SNX19: variants seen among roughly 807,000 people sequenced by gnomAD.
SNX19 encodes sorting nexin-19.
A neutral mutation model predicts 85.2 loss-of-function variants in SNX19; 60 were observed. The ratio of observed to expected loss-of-function variants is 0.70; its 90% CI spans 0.57 to 0.87. The LOEUF (loss-of-function observed/expected upper bound fraction) is 0.87, where lower values mean the gene tolerates loss of function less well. Among genes scored for constraint, SNX19 ranks in the 40% least tolerant of loss-of-function variants. SNX19 has a pLI of 0.00. For missense variants in SNX19, 1,201 were observed against 1,217.8 expected (o/e 0.99, Z 0.21); for synonymous variants, 520 against 470.0 (o/e 1.11, Z -1.38).
At chr11:130,906,846 G>A (rs1421995113) in intron 5 of SNX19, 125 bp from the exon 6 acceptor site, 13 of 717,142 alleles carry the variant, frequency 1.8e-5, no homozygotes, top group South Asian at 1.7e-4. Flanking sequence ...GGAGCTTACT[G>A]TGGTCAGAGC....
chr11:130,874,035 T>C lies in SNX19; in HGVS notation c.*4387A>G, dbSNP rs1201558385. On this transcript the variant is annotated 3_prime_UTR_variant, in exon 11 of 11. Coordinates refer to ENST00000265909, the MANE Select transcript of SNX19 (RefSeq NM_014758.3). ...TCATAAGAGGTTTTTTGTTTTTTTT[T>C]TTTTTATTTGGGGTCTCACTCTGTC... 6.6e-6 allele frequency among the ~76,000 whole-genome samples: 1 copy of C among 152,098 alleles called. No homozygotes were observed. The highest frequency in any genetic ancestry group is 1.5e-5 in the Non-Finnish European group (1 of 68,006).
rs938219156 is a variant in SNX19 at position 130,900,253 on chromosome 11, T to C, written c.2573+3002A>G. 5.9e-5 allele frequency among the ~76,000 whole-genome samples: 9 copies of C among 152,224 alleles called. 1 individual carries two copies. Among genetic ancestry groups the C allele is most frequent in the Admixed American group, 5.2e-4 (8 of 15,288 alleles). On this transcript the variant is annotated intron_variant, in intron 8 of 10. Coordinates refer to ENST00000265909, the MANE Select transcript of SNX19 (RefSeq NM_014758.3). ...GAGCCCAGGAGGTTACAGTGAGCTA[T>C]GATTGCAGTGCCACTGCACTCCAGC...
chr11:130,908,502 A>C (rs535043606), intron 4 of SNX19, among the ~76,000 whole-genome samples: 1 of 152,246 alleles, frequency 6.6e-6, no homozygotes, highest in African/African-American at 2.4e-5. Flanking sequence ...AGAGAAAGGA[A>C]AAGTGAAGAA....
chr11:130,887,018 G>A (rs1052225000), intron 8 of SNX19, among the ~76,000 whole-genome samples: 2 of 152,154 alleles, frequency 1.3e-5, no homozygotes, highest in Non-Finnish European at 2.9e-5. Context: ...ATACTACTGT[G>A]AAATCTAAAA....
Position 130,895,837 on chromosome 11 carries a change from C to T in SNX19, c.2573+7418G>A, listed in dbSNP as rs193261915. On this transcript the variant is annotated intron_variant, in intron 8 of 10. Coordinates refer to ENST00000265909, the MANE Select transcript of SNX19 (RefSeq NM_014758.3). ...CTATGTGACAGGAAAGCCATGATGT[C>T]TTCATCCTAAGATGGGTGTAGAATA... 2.6e-3 allele frequency among the ~76,000 whole-genome samples: 396 copies of T among 152,302 alleles called. 2 individuals are homozygous for T. The highest frequency in any genetic ancestry group is 8.8e-3 in the African/African-American group (364 of 41,572).
intron 1 of SNX19, among the ~76,000 whole-genome samples, 168 bp from the exon 2 acceptor site, chr11:130,911,939 T>C (rs544856535): frequency 6.6e-6 from 1 of 152,316 alleles, no homozygotes; most frequent in South Asian, 2.1e-4. Context: ...TCTAATTGCT[T>C]AGAAAGTCAG....
At chr11:130,903,716 T>TACACACACACAC (rs35654790) in intron 7 of SNX19, among the ~76,000 whole-genome samples, 440 of 143,374 alleles carry the variant, frequency 3.1e-3, no homozygotes, top group African/African-American at 0.011. Flanking sequence ...TATATACACA[T>TACACACACACAC]ACACACACAC....
chr11:130,892,212 C>T (rs1210674263), intron 8 of SNX19, among the ~76,000 whole-genome samples: 3 of 149,816 alleles, frequency 2.0e-5, no homozygotes, highest in Non-Finnish European at 3.0e-5. Flanking sequence ...TTTTTTTGGC[C>T]CCATACTATG....
intron 5 of SNX19, among the ~76,000 whole-genome samples, chr11:130,907,026 G>A (rs1326737537): frequency 2.0e-5 from 3 of 152,222 alleles, no homozygotes; most frequent in African/African-American, 7.2e-5. Flanking sequence ...CCACAGGATA[G>A]ATTAGCTAAC....
In SNX19 at chr11:130,911,639, T is replaced by C; in HGVS notation, c.1807A>G (p.Ile603Val). 1 of 1,614,142 alleles carries C rather than the reference T, an allele frequency of 6.2e-7. No individual in the cohort carries two copies. The highest frequency in any genetic ancestry group is 8.5e-7 in the Non-Finnish European group (1 of 1,180,024). Residue 603 changes from isoleucine (I) to valine (V), a missense_variant, in exon 2 of 11, where the codon ATC (isoleucine) becomes GTC (valine). Coordinates refer to ENST00000265909, the MANE Select transcript of SNX19 (RefSeq NM_014758.3). ...LEEKPDLRKF[I>V]KNVKGPKKLF... The stretch of plus-strand genomic sequence containing the variant: ...GGTTGGGGAAACTCCTGACTTTTGA[T>C]GAACTTTCGTAGATCTGGTTTCTCC...
At chr11:130,880,585 A>G in intron 9 of SNX19, 37 bp downstream of exon 9, 1 of 1,521,838 alleles carries the variant, frequency 6.6e-7, no homozygotes, top group East Asian at 2.3e-5. Context: ...TGGAAGAGAA[A>G]TGTGATTGGT....
chr11:130,894,004 T>C, intron 8 of SNX19: 1 of 572,738 alleles, frequency 1.7e-6, no homozygotes, highest in Non-Finnish European at 3.1e-6. Context: ...AAAACCAAGT[T>C]AATGGGGGAG....
chr11:130,895,792 T>C (rs541406927), intron 8 of SNX19, among the ~76,000 whole-genome samples: 219 of 152,330 alleles, frequency 1.4e-3, no homozygotes, highest in African/African-American at 5.1e-3. Flanking sequence ...CTCAAAGATA[T>C]ATTCCAGTAG....
rs1791871036 is a variant in SNX19, at chr11:130,905,510, T to G, written c.2443+443A>C. The G allele has an allele frequency of 2.4e-5, 12 of 510,522 alleles. 2 individuals carry two copies. In the South Asian group the frequency reaches 2.6e-4, roughly 11 times the overall value. 31.6% of individuals were successfully genotyped at this position (510,522 alleles called of 1,614,324 possible). ...AGTCACCCTGGAAGAGTGTGTAGAA[T>G]AAGGACAGCGAGCCAAAAATCAAGC... On this transcript the variant is annotated intron_variant, in intron 7 of 10. Transcript: ENST00000265909.
In SNX19 at chr11:130,914,507, G is replaced by C; in HGVS notation, c.1433C>G (p.Ser478Ter). 1 of 1,613,968 alleles carries C rather than the reference G, an allele frequency of 6.2e-7. No homozygotes were observed. The highest frequency in any genetic ancestry group is 8.5e-7 in the Non-Finnish European group (1 of 1,179,860). ...ATCCTTCTCTAAGCATGACGGCCGT[G>C]AGGGGCAGGTCTTTTCTGGCCCCTC... ...LLEGPEKTCP[S>*]RPSCLEKDLT... The change falls in exon 1 of 11, where the codon TCA becomes TGA. Residue 478 changes from serine (S) to a stop codon, truncating the protein, a stop_gained. Coordinates refer to ENST00000265909, the MANE Select transcript of SNX19 (RefSeq NM_014758.3). LOFTEE classifies it high-confidence loss of function.
intron 8 of SNX19, among the ~76,000 whole-genome samples, chr11:130,895,767 T>C (rs1295899733): frequency 6.6e-6 from 1 of 152,208 alleles, no homozygotes; most frequent in African/African-American, 2.4e-5. Context: ...TCAGCTGCCA[T>C]CCACCTGCTA....
rs940193766 is a variant in SNX19, at chr11:130,876,740, A to G, written c.*1682T>C. On this transcript the variant is annotated 3_prime_UTR_variant, in exon 11 of 11. Coordinates refer to ENST00000265909, the MANE Select transcript of SNX19 (RefSeq NM_014758.3). ...GCTGGACTCCTGCAGGTACTCACGGAAAGTAGAGATGCTGAGCTACCTTTT... is the reference window on the plus strand; with the variant it reads ...GCTGGACTCCTGCAGGTACTCACGGGAAGTAGAGATGCTGAGCTACCTTTT... The G allele has an allele frequency of 3.1e-4, 48 of 152,648 alleles. No homozygotes were observed. The highest frequency in any genetic ancestry group is 2.1e-4 in the Non-Finnish European group (14 of 68,056). The allele number at this position is 152,648 out of a possible 1,614,324, so 9.5% of individuals were successfully genotyped here.
At chr11:130,911,815 G>T (rs754513581) in intron 1 of SNX19, 44 bp from the exon 2 acceptor site, 6 of 1,596,430 alleles carry the variant, frequency 3.8e-6, no homozygotes, top group Non-Finnish European at 1.7e-6. Context: ...CCGGGTTTCA[G>T]CAATCTTCTA....
At position 130,908,057 on chromosome 11, in the gene SNX19, G is replaced by C. The variant is rs1358400175; in HGVS notation, c.2061C>G (p.Thr687=). 1.2e-6 allele frequency: 2 copies of C among 1,614,116 alleles called. No homozygotes were observed. The highest frequency in any genetic ancestry group is 1.7e-6 in the Non-Finnish European group (2 of 1,180,010). The change falls in exon 5 of 11, where the codon ACC becomes ACG. Residue 687 remains threonine (T), a synonymous_variant. Coordinates refer to ENST00000265909, the MANE Select transcript of SNX19 (RefSeq NM_014758.3). ...CAGAGCGAGGAAACGCTGTCTTCAAGGTGTCCACAATGGCACTCACCACCA... is the reference window on the plus strand; with the variant it reads ...CAGAGCGAGGAAACGCTGTCTTCAACGTGTCCACAATGGCACTCACCACCA... The part of the protein sequence containing the change: ...DKMVVSAIVD[T]LKTAFPRSEP...
Sources: gnomAD v4.1 joint callset for allele counts (sites outside exome capture counted in the v4.1 genomes callset) on GRCh38, gnomAD v4.1.1 for gene constraint, MANE v1.5 for transcripts, NCBI Gene and HGNC (gene_info 2026-07-23, HGNC 2026-07-21) for gene names.